The following HS3ST3A1 variants were observed in gnomAD, a reference collection of about 807,000 sequenced individuals.
HS3ST3A1 encodes the protein heparan sulfate glucosamine 3-O-sulfotransferase 3A1.
In HS3ST3A1, 19 loss-of-function variants were observed where a neutral mutation model predicts 25.7. That is an observed-to-expected ratio of 0.74 (90% CI 0.52 to 1.08). HS3ST3A1 has a LOEUF of 1.08. Among genes scored for constraint, HS3ST3A1 ranks in the 50% least tolerant of loss-of-function variants. The pLI is 0.00. For synonymous variants in HS3ST3A1, 226 were observed against 278.6 expected, an observed-to-expected ratio of 0.81 and a Z score of 1.88; for missense variants, 459 against 594.3, an observed-to-expected ratio of 0.77 and a Z score of 2.37.
chr17:13,511,712 G>A (rs1905865821), intron 1 of HS3ST3A1, among the ~76,000 whole-genome samples: 2 of 150,862 alleles, frequency 1.3e-5, no homozygotes, highest in African/African-American at 4.9e-5. Context: ...GCAACTAGAT[G>A]GATGTTAAAA....
chr17:13,508,836 G>C (rs1352846673), intron 1 of HS3ST3A1, among the ~76,000 whole-genome samples: 2 of 152,172 alleles, frequency 1.3e-5, no homozygotes, highest in East Asian at 3.9e-4. Context: ...CAGAGCCTCA[G>C]AAACCACCTG....
At chr17:13,514,659 G>C (rs906115963) in intron 1 of HS3ST3A1, among the ~76,000 whole-genome samples, 6 of 152,200 alleles carry the variant, frequency 3.9e-5, no homozygotes, top group Non-Finnish European at 8.8e-5. Context: ...CAAGGAGGGT[G>C]GATCATGGGA....
chr17:13,519,337 A>G lies in HS3ST3A1; in HGVS notation c.600-22519T>C, dbSNP rs548699048. On this transcript the variant is annotated intron_variant, in intron 1 of 1. Transcript: ENST00000284110. ...TTTTGTTCTTATCTATCACGCTGAT[A>G]GGTTGAACATCAGTGAATGAGACAC... Among the ~76,000 whole-genome samples the G allele has an allele frequency of 1.3e-4, 20 of 152,326 alleles. No individual in the cohort carries two copies. The East Asian group carries it at 3.9e-3, about 29-fold the overall frequency.
chr17:13,557,021 T>C (rs1907399634), intron 1 of HS3ST3A1, among the ~76,000 whole-genome samples: 1 of 152,134 alleles, frequency 6.6e-6, no homozygotes, highest in Admixed American at 6.5e-5. Flanking sequence ...CACAGTCAAA[T>C]TGTATAGCCA....
chr17:13,536,978 G>T (rs1906789228), intron 1 of HS3ST3A1, among the ~76,000 whole-genome samples: 1 of 152,184 alleles, frequency 6.6e-6, no homozygotes, highest in Non-Finnish European at 1.5e-5. Flanking sequence ...TCCCACCTAT[G>T]CTAAGTGACC....
intron 1 of HS3ST3A1, among the ~76,000 whole-genome samples, chr17:13,551,625 AG>A (rs753574251): frequency 0.021 from 2,172 of 105,570 alleles, 52 homozygotes; most frequent in African/African-American, 0.061. Context: ...GAAAAAAAAA[AG>A]GGGGGGGGGT....
chr17:13,552,512 C>T (rs7216732), intron 1 of HS3ST3A1, among the ~76,000 whole-genome samples: 67,915 of 152,010 alleles, frequency 0.45, 15,375 homozygotes, highest in Middle Eastern at 0.52. Flanking sequence ...TCAAGGGCAA[C>T]GTCAAAGGGG....
chr17:13,562,204 G>C (rs552041579), intron 1 of HS3ST3A1, among the ~76,000 whole-genome samples: 30 of 152,228 alleles, frequency 2.0e-4, no homozygotes, highest in African/African-American at 7.2e-4. Flanking sequence ...TCTGTCTCTA[G>C]GAAAAAGGAG....
chr17:13,587,081 T>A (rs568302597), intron 1 of HS3ST3A1, among the ~76,000 whole-genome samples: 1 of 151,992 alleles, frequency 6.6e-6, no homozygotes, highest in African/African-American at 2.4e-5. Context: ...AAGTTGAAAT[T>A]ACATATAAGG....
At chr17:13,536,161 A>G (rs2142337961) in intron 1 of HS3ST3A1, among the ~76,000 whole-genome samples, 1 of 152,306 alleles carries the variant, frequency 6.6e-6, no homozygotes. Flanking sequence ...CAGAAGTTCA[A>G]CTTCAGAGCC....
chr17:13,583,839 C>T (rs553802996), intron 1 of HS3ST3A1, among the ~76,000 whole-genome samples: 34 of 152,290 alleles, frequency 2.2e-4, no homozygotes, highest in Middle Eastern at 6.8e-3. Flanking sequence ...AACACTACAA[C>T]GGTATTTGGC....
At chr17:13,598,549 C>T (rs1908640829) in intron 1 of HS3ST3A1, among the ~76,000 whole-genome samples, 1 of 152,006 alleles carries the variant, frequency 6.6e-6, no homozygotes, top group South Asian at 2.1e-4. Context: ...TTTTTGTGAC[C>T]ACCATAAATT....
chr17:13,573,735 T>C (rs955642924), intron 1 of HS3ST3A1, among the ~76,000 whole-genome samples: 1 of 152,158 alleles, frequency 6.6e-6, no homozygotes, highest in African/African-American at 2.4e-5. Flanking sequence ...CAAATTCATA[T>C]GTTGAAACTG....
intron 1 of HS3ST3A1, among the ~76,000 whole-genome samples, chr17:13,515,967 T>A (rs1403734267): frequency 6.6e-6 from 1 of 152,192 alleles, no homozygotes; most frequent in Non-Finnish European, 1.5e-5. Context: ...TTTTTGCCCA[T>A]TTTTACATGG....
chr17:13,503,090 G>T (rs970026366), intron 1 of HS3ST3A1, among the ~76,000 whole-genome samples: 2 of 148,872 alleles, frequency 1.3e-5, no homozygotes, highest in South Asian at 2.1e-4. Flanking sequence ...AGGCAGAATC[G>T]CTTGAACCTG....
intron 1 of HS3ST3A1, among the ~76,000 whole-genome samples, chr17:13,512,036 G>A (rs1905878708): frequency 1.3e-5 from 2 of 152,206 alleles, no homozygotes; most frequent in Middle Eastern, 6.8e-3. Context: ...ATCAAGCTAT[G>A]GCCCACAGGC....
intron 1 of HS3ST3A1, among the ~76,000 whole-genome samples, chr17:13,554,464 C>T (rs1598424887): frequency 1.3e-5 from 2 of 152,278 alleles, no homozygotes; most frequent in East Asian, 3.9e-4. Flanking sequence ...TTACAAGATA[C>T]AGTCATTACC....
At chr17:13,503,184 A>AG (rs1383044111) in intron 1 of HS3ST3A1, among the ~76,000 whole-genome samples, 5 of 151,354 alleles carry the variant, frequency 3.3e-5, no homozygotes, top group South Asian at 2.1e-4. Flanking sequence ...AAAAAAAAAA[A>AG]AAAAAAAGAA....
chr17:13,531,198 C>A (rs5019434), intron 1 of HS3ST3A1, among the ~76,000 whole-genome samples: 2 of 152,022 alleles, frequency 1.3e-5, no homozygotes, highest in African/African-American at 4.8e-5. Flanking sequence ...CATGGGTTGA[C>A]TTTGCTCAAA....
Sources: gnomAD v4.1 joint callset for allele counts (sites outside exome capture counted in the v4.1 genomes callset) on GRCh38, gnomAD v4.1.1 for gene constraint, MANE v1.5 for transcripts, NCBI Gene and HGNC (gene_info 2026-07-23, HGNC 2026-07-21) for gene names.